Variants in EEFSEC observed in about 807,000 individuals in gnomAD.
EEFSEC encodes the protein eukaryotic elongation factor, selenocysteine-tRNA specific, also known as selenocysteine-specific elongation factor.
EEFSEC carries 43 observed loss-of-function variants against 42.1 expected under a neutral mutation model. The ratio of observed to expected loss-of-function variants is 1.02; its 90% CI spans 0.80 to 1.32. The LOEUF (loss-of-function observed/expected upper bound fraction) is 1.32, where lower values mean the gene tolerates loss of function less well. EEFSEC is among the 40% of genes most tolerant of loss of function. The pLI is 0.00. For synonymous variants in EEFSEC, 354 were observed against 339.1 expected (o/e 1.04, Z -0.48); for missense variants, 745 against 803.6 (o/e 0.93, Z 0.88).
chr3:128,177,447 C>T (rs1559855889), intron 1 of EEFSEC, among the ~76,000 whole-genome samples: 2 of 121,270 alleles, frequency 1.6e-5, no homozygotes, highest in African/African-American at 3.2e-5. Context: ...TTTTGGCACA[C>T]GTTTCCAAAT....
intron 4 of EEFSEC, among the ~76,000 whole-genome samples, chr3:128,340,896 T>A (rs2067242663): frequency 6.6e-6 from 1 of 152,044 alleles, no homozygotes; most frequent in African/African-American, 2.4e-5. Flanking sequence ...AGGGAGGAAC[T>A]TGGAGGGACT....
chr3:128,385,592 A>G (rs901379376), intron 6 of EEFSEC, among the ~76,000 whole-genome samples: 1 of 152,222 alleles, frequency 6.6e-6, no homozygotes, highest in Non-Finnish European at 1.5e-5. Context: ...GATGAGAACA[A>G]CAGTGGACAC....
At chr3:128,162,668 G>T (rs1337933352) in intron 1 of EEFSEC, among the ~76,000 whole-genome samples, 1 of 152,196 alleles carries the variant, frequency 6.6e-6, no homozygotes, top group Non-Finnish European at 1.5e-5. Context: ...ATGGAAGCAG[G>T]TAGTCATATT....
intron 2 of EEFSEC, among the ~76,000 whole-genome samples, chr3:128,260,696 T>C (rs879563086): frequency 2.6e-5 from 4 of 152,248 alleles, no homozygotes; most frequent in Non-Finnish European, 5.9e-5. Context: ...TCAGGACAGC[T>C]GCAGAGTTAG....
At chr3:128,361,731 C>T (rs914861324) in intron 6 of EEFSEC, among the ~76,000 whole-genome samples, 7 of 152,156 alleles carry the variant, frequency 4.6e-5, no homozygotes, top group African/African-American at 7.2e-5. Context: ...TGGAAAGCCC[C>T]GTATTTACAA....
intron 6 of EEFSEC, among the ~76,000 whole-genome samples, chr3:128,389,579 G>T (rs549696521): frequency 6.6e-6 from 1 of 152,268 alleles, no homozygotes; most frequent in Non-Finnish European, 1.5e-5. Flanking sequence ...TTGAGCCCAC[G>T]CTGCTGGGTG....
chr3:128,218,319 G>A (rs2065830231), intron 1 of EEFSEC, among the ~76,000 whole-genome samples: 1 of 152,210 alleles, frequency 6.6e-6, no homozygotes, highest in South Asian at 2.1e-4. Flanking sequence ...ACAGGACACC[G>A]TACTTTCAGC....
intron 1 of EEFSEC, among the ~76,000 whole-genome samples, chr3:128,234,497 T>C (rs574298429): frequency 1.3e-3 from 195 of 152,320 alleles, no homozygotes; most frequent in African/African-American, 4.2e-3. Context: ...ATGGTTTGGG[T>C]ACAGCCAGAC....
chr3:128,278,719 G>A (rs929129049), intron 4 of EEFSEC, among the ~76,000 whole-genome samples: 2 of 152,206 alleles, frequency 1.3e-5, no homozygotes, highest in African/African-American at 4.8e-5. Context: ...TGTTCATGGT[G>A]GGGGAGCCTT....
chr3:128,401,012 G>C (rs77472959), intron 6 of EEFSEC, among the ~76,000 whole-genome samples: 2,887 of 152,300 alleles, frequency 0.019, 100 homozygotes, highest in African/African-American at 0.064. Context: ...GGGTTCATCA[G>C]GGGGTGGAGC....
chr3:128,157,487 A>G (rs1202190211), intron 1 of EEFSEC, among the ~76,000 whole-genome samples: 1 of 152,260 alleles, frequency 6.6e-6, no homozygotes, highest in East Asian at 1.9e-4. Flanking sequence ...ACTGGGTACA[A>G]AGCTTCAAAG....
rs146075396 is a variant in EEFSEC at position 128,169,427 on chromosome 3, G to C, written c.316+15604G>C. 8.2e-3 allele frequency among the ~76,000 whole-genome samples: 1,253 copies of C among 152,324 alleles called. 10 individuals are homozygous for C. Among genetic ancestry groups the C allele is most frequent in the Non-Finnish European group, 0.012 (803 of 68,020 alleles). On this transcript the variant is annotated intron_variant, in intron 1 of 6. Transcript: ENST00000254730. The stretch of plus-strand genomic sequence containing the variant: ...ACTCTCTGGAAGTCCCAGTTTTGCT[G>C]AAAGATAAGCGTGGCACATCCTATC...
intron 1 of EEFSEC, among the ~76,000 whole-genome samples, chr3:128,169,885 C>CA (rs1276183201): frequency 6.6e-6 from 1 of 152,238 alleles, no homozygotes; most frequent in Non-Finnish European, 1.5e-5. Context: ...TCACAGAGCA[C>CA]AGGCCCTTCA....
intron 1 of EEFSEC, among the ~76,000 whole-genome samples, chr3:128,220,584 C>G (rs929744138): frequency 2.6e-4 from 40 of 152,296 alleles, no homozygotes; most frequent in Non-Finnish European, 5.1e-4. Context: ...GATTCCTCCA[C>G]ATGCAAGAAG....
intron 1 of EEFSEC, among the ~76,000 whole-genome samples, chr3:128,209,557 C>T (rs2065734646): frequency 6.6e-6 from 1 of 152,138 alleles, no homozygotes; most frequent in African/African-American, 2.4e-5. Context: ...AGGCTCAATG[C>T]CATATATATT....
intron 6 of EEFSEC, chr3:128,367,757 C>G (rs560486663): frequency 1.0e-6 from 1 of 985,424 alleles, no homozygotes; most frequent in East Asian, 1.1e-4. Flanking sequence ...GCCTGCCTGG[C>G]CATATCACTG....
At chr3:128,369,248 C>G (rs939198605) in intron 6 of EEFSEC, among the ~76,000 whole-genome samples, 5 of 152,148 alleles carry the variant, frequency 3.3e-5, no homozygotes, top group Admixed American at 3.3e-4. Context: ...ATCCTGGTGC[C>G]AAAGGGACAG....
downstream of EEFSEC, among the ~76,000 whole-genome samples, chr3:128,409,986 G>C (rs540858995): frequency 5.3e-5 from 8 of 152,328 alleles, no homozygotes; most frequent in South Asian, 1.2e-3. Flanking sequence ...GGTCCCCCAG[G>C]GGAGGGCAGC....
At chr3:128,267,215 G>A (rs1239304422) in intron 4 of EEFSEC, among the ~76,000 whole-genome samples, 1 of 152,168 alleles carries the variant, frequency 6.6e-6, no homozygotes, top group Non-Finnish European at 1.5e-5. Flanking sequence ...GTCAGTAGTG[G>A]TAAGGAGGCA....
Sources: allele counts gnomAD v4.1 joint callset (sites outside exome capture counted in the v4.1 genomes callset), GRCh38; gene constraint gnomAD v4.1.1; transcripts MANE v1.5; gene names NCBI Gene and HGNC (gene_info 2026-07-23, HGNC 2026-07-21).